Variants in AMZ2 observed in about 807,000 individuals in gnomAD.
AMZ2 encodes archaelysin family metallopeptidase 2.
In AMZ2, 26 loss-of-function variants were observed where a neutral mutation model predicts 36.7. The ratio of observed to expected loss-of-function variants is 0.71; its 90% confidence interval spans 0.52 to 0.98. The LOEUF (loss-of-function observed/expected upper bound fraction) is 0.98, where lower values mean the gene tolerates loss of function less well. AMZ2 is among the 50% of genes least tolerant of loss of function. AMZ2 has a pLI of 0.00. For missense variants in AMZ2, 394 were observed against 430.5 expected, an observed-to-expected ratio of 0.92 and a Z score of 0.75; for synonymous variants, 144 against 149.1, an observed-to-expected ratio of 0.97 and a Z score of 0.25.
At chr17:68,209,007 G>A (rs191566839) in intron 1 of AMZ2, among the ~76,000 whole-genome samples, 2 of 152,184 alleles carry the variant, frequency 1.3e-5, no homozygotes, top group African/African-American at 4.8e-5. Context: ...AGTGAGACCA[G>A]GAACCCACCA....
At chr17:68,247,781 C>T (rs1398023521), upstream of AMZ2, 9 of 985,456 alleles carry the variant, frequency 9.1e-6, no homozygotes, top group African/African-American at 3.5e-5. Flanking sequence ...AGAACCGGGC[C>T]GCGGAGCCGC....
At chr17:68,244,727 G>A (rs1364760171), upstream of AMZ2, among the ~76,000 whole-genome samples, 1 of 152,060 alleles carries the variant, frequency 6.6e-6, no homozygotes, top group Non-Finnish European at 1.5e-5. Context: ...GAGAATGCAG[G>A]GATTCTTTAT....
intron 1 of AMZ2, chr17:68,248,971 T>G: frequency 1.3e-6 from 1 of 799,596 alleles, no homozygotes; most frequent in Non-Finnish European, 1.6e-6. Context: ...ACAAAGATGA[T>G]CCAGACAGAG....
At chr17:68,212,856 T>G (rs1353276744) in intron 1 of AMZ2, among the ~76,000 whole-genome samples, 3 of 152,074 alleles carry the variant, frequency 2.0e-5, no homozygotes, top group South Asian at 4.1e-4. Flanking sequence ...GAGTGAGCCA[T>G]CGCACCTGGC....
rs1286944116 is a variant in AMZ2 at position 68,235,122 on chromosome 17, C to T, written c.-66-13518C>T. Among the ~76,000 whole-genome samples the T allele has an allele frequency of 6.6e-6, 1 of 152,192 alleles. No individual in the cohort carries two copies. Among genetic ancestry groups the T allele is most frequent in the Non-Finnish European group, 1.5e-5 (1 of 68,040 alleles). ...CTCATAGTGACTCACATCAACAGGC[C>T]CTTTTGTCAGCGGGCATTTCCGTAA... is the stretch of plus-strand genomic sequence containing the variant. On this transcript the variant is annotated intron_variant, in intron 1 of 7. Transcript: ENST00000674770. The surrounding 1 kb of genome is among the most constrained non-coding windows in gnomAD (Gnocchi z 4.2).
At chr17:68,233,375 C>T (rs1200144096) in intron 1 of AMZ2, among the ~76,000 whole-genome samples, 3 of 151,766 alleles carry the variant, frequency 2.0e-5, no homozygotes, top group Non-Finnish European at 2.9e-5. Context: ...TGGGCGTGGT[C>T]GTGGGCATTT....
intron 1 of AMZ2, among the ~76,000 whole-genome samples, chr17:68,236,566 C>CTTTTTT (rs782220711): frequency 6.8e-5 from 7 of 103,004 alleles, no homozygotes; most frequent in East Asian, 3.2e-4. Context: ...GGCAAACATC[C>CTTTTTT]TTTTTTTTTT....
chr17:68,215,242 G>A lies in AMZ2; in HGVS notation c.-67+9004G>A, dbSNP rs148494759. Reference sequence around the variant, plus strand: ...GGATCAGATATTTTAAGAAATATGTGTAAAATATGTGTAACTTTTTTCTTT... The same window carrying A: ...GGATCAGATATTTTAAGAAATATGTATAAAATATGTGTAACTTTTTTCTTT... On this transcript the variant is annotated intron_variant, in intron 1 of 7. Coordinates refer to the AMZ2 transcript ENST00000674770. Among the ~76,000 whole-genome samples, 490 of 151,764 alleles carry A rather than the reference G, an allele frequency of 3.2e-3. 3 individuals are homozygous for A. Among genetic ancestry groups the A allele is most frequent in the Non-Finnish European group, 2.6e-3 (177 of 67,938 alleles).
intron 1 of AMZ2, among the ~76,000 whole-genome samples, chr17:68,211,215 G>C (rs1233942203): frequency 2.0e-5 from 3 of 151,872 alleles, no homozygotes; most frequent in African/African-American, 4.8e-5. Flanking sequence ...AAAATGTTCT[G>C]GAATTGGCCG....
In AMZ2 at chr17:68,254,508, A is replaced by G. The variant is rs117338850; in HGVS notation, c.691A>G (p.Ile231Val). Residue 231 changes from isoleucine to valine, a missense_variant, in exon 5 of 7, where the codon ATT (isoleucine) becomes GTT (valine). Ile to Val is a conservative substitution (Grantham distance 29, BLOSUM62 3). Transcript: ENST00000359904. ...LKKTSSSDYS[I>V]FDNYYIPEIT... ...GAAAACATCTTCAAGTGACTATTCA[A>G]TTTTCGACAACTATTATATTCCAGA... is the stretch of plus-strand genomic sequence containing the variant. 216 of 1,613,478 alleles carry G rather than the reference A, an allele frequency of 1.3e-4. No homozygotes were observed. The East Asian group carries it at 4.6e-3, about 34-fold the overall frequency.
chr17:68,218,733 T>C (rs2144527638), intron 1 of AMZ2, among the ~76,000 whole-genome samples: 1 of 152,324 alleles, frequency 6.6e-6, no homozygotes, highest in East Asian at 1.9e-4. Flanking sequence ...ACTGAACTCA[T>C]AATTTCCCCC....
intron 4 of AMZ2, among the ~76,000 whole-genome samples, chr17:68,252,303 T>G (rs1322601716): frequency 6.6e-6 from 1 of 152,232 alleles, no homozygotes; most frequent in Non-Finnish European, 1.5e-5. Flanking sequence ...ATAGAGCCTC[T>G]TCCCACTTAC....
At chr17:68,208,732 G>C (rs1456286107) in intron 1 of AMZ2, among the ~76,000 whole-genome samples, 2 of 152,174 alleles carry the variant, frequency 1.3e-5, no homozygotes, top group African/African-American at 4.8e-5. Context: ...CACCGCGACG[G>C]TCTGCAGCTT....
chr17:68,224,949 G>A (rs1203669444), intron 1 of AMZ2, among the ~76,000 whole-genome samples: 16 of 151,614 alleles, frequency 1.1e-4, no homozygotes, highest in Non-Finnish European at 1.9e-4. Context: ...AGGCGGAGGC[G>A]GGTGGATCAC....
chr17:68,217,718 T>C (rs2073233970), intron 1 of AMZ2, among the ~76,000 whole-genome samples: 1 of 152,202 alleles, frequency 6.6e-6, no homozygotes, highest in African/African-American at 2.4e-5. Flanking sequence ...GTTAGCAATT[T>C]ATAGAAATTA....
intron 1 of AMZ2, among the ~76,000 whole-genome samples, chr17:68,208,804 G>A (rs1180434794): frequency 2.0e-5 from 3 of 151,956 alleles, no homozygotes; most frequent in Non-Finnish European, 2.9e-5. Flanking sequence ...CAGACACGTC[G>A]CCTTAAGAGC....
At chr17:68,214,944 C>T (rs1199017330) in intron 1 of AMZ2, among the ~76,000 whole-genome samples, 1 of 150,516 alleles carries the variant, frequency 6.6e-6, no homozygotes, top group South Asian at 2.1e-4. Context: ...ACACCACGCC[C>T]GGCTAATTTT....
intron 1 of AMZ2, among the ~76,000 whole-genome samples, chr17:68,223,346 C>G (rs1360178284): frequency 6.6e-6 from 1 of 152,032 alleles, no homozygotes; most frequent in African/African-American, 2.4e-5. Context: ...TCATCTCAGC[C>G]AGAAGCCCCT....
intron 1 of AMZ2, among the ~76,000 whole-genome samples, chr17:68,216,414 C>G (rs2073195927): frequency 6.6e-6 from 1 of 152,198 alleles, no homozygotes; most frequent in Non-Finnish European, 1.5e-5. Context: ...GATTACAGGC[C>G]TGGGTCACCA....
Sources: allele counts gnomAD v4.1 joint callset (sites outside exome capture counted in the v4.1 genomes callset), GRCh38; gene constraint gnomAD v4.1.1; non-coding constraint Gnocchi (gnomAD v3.1); transcripts MANE v1.5; gene names NCBI Gene and HGNC (gene_info 2026-07-23, HGNC 2026-07-21).